TENM2: variants seen among roughly 807,000 people sequenced by gnomAD.
TENM2 encodes teneurin transmembrane protein 2, also known as teneurin-2.
A neutral mutation model predicts 245.2 loss-of-function variants in TENM2; 52 were observed. The observed-to-expected ratio is 0.21, with a 90% CI of 0.17 to 0.27. The LOEUF (loss-of-function observed/expected upper bound fraction) is 0.27, where lower values mean the gene tolerates loss of function less well. Among genes scored for constraint, TENM2 ranks in the 10% least tolerant of loss-of-function variants. TENM2 has a pLI of 1.00. For missense variants in TENM2, 3,046 were observed against 3,666.8 expected (o/e 0.83, Z 4.37); for synonymous variants, 1,363 against 1,438.9 (o/e 0.95, Z 1.19).
intron 2 of TENM2, among the ~76,000 whole-genome samples, chr5:167,541,726 A>G (rs1225426669): frequency 6.6e-6 from 1 of 152,208 alleles, no homozygotes; most frequent in Non-Finnish European, 1.5e-5. Flanking sequence ...CCTCCAATGT[A>G]TCTCTGATAC....
chr5:167,563,054 A>G (rs774414882), intron 2 of TENM2, among the ~76,000 whole-genome samples: 4 of 152,098 alleles, frequency 2.6e-5, no homozygotes, highest in Non-Finnish European at 5.9e-5. Flanking sequence ...ATCCCTGGGC[A>G]CATGCCTAGG....
At chr5:168,161,107 A>G (rs1260949569) in intron 12 of TENM2, among the ~76,000 whole-genome samples, 4 of 152,184 alleles carry the variant, frequency 2.6e-5, no homozygotes, top group Non-Finnish European at 4.4e-5. Context: ...AAAAGAAGGA[A>G]GATGCTAGGT....
At chr5:167,804,621 A>C (rs1280531374) in intron 2 of TENM2, among the ~76,000 whole-genome samples, 1 of 152,082 alleles carries the variant, frequency 6.6e-6, no homozygotes, top group African/African-American at 2.4e-5. Flanking sequence ...GCTCAGATAG[A>C]TCGAATAAAG....
chr5:167,066,060 G>A, the TENM2 span, among the ~76,000 whole-genome samples: 126 of 152,254 alleles, frequency 8.3e-4, no homozygotes, highest in African/African-American at 3.0e-3. Flanking sequence ...CTCTCCCTGG[G>A]TGGTGTGAGT....
intron 1 of TENM2, among the ~76,000 whole-genome samples, chr5:167,319,053 T>C (rs528451936): frequency 6.6e-6 from 1 of 152,322 alleles, no homozygotes; most frequent in South Asian, 2.1e-4. Context: ...AAAAATCTGT[T>C]TATCAATTGA....
chr5:167,800,645 A>C (rs1290099816), intron 2 of TENM2, among the ~76,000 whole-genome samples: 1 of 152,096 alleles, frequency 6.6e-6, no homozygotes, highest in Admixed American at 6.5e-5. Flanking sequence ...ATTTCCACTG[A>C]ATTTCAGTTC....
At chr5:168,160,376 A>T (rs1757640220) in intron 12 of TENM2, among the ~76,000 whole-genome samples, 1 of 152,226 alleles carries the variant, frequency 6.6e-6, no homozygotes, top group South Asian at 2.1e-4. Flanking sequence ...TGGAAATGTG[A>T]ATCTGGGCTT....
the TENM2 span, among the ~76,000 whole-genome samples, chr5:167,025,701 C>CCCAAT: frequency 6.6e-6 from 1 of 152,144 alleles, no homozygotes; most frequent in South Asian, 2.1e-4. Flanking sequence ...AATCCCAACT[C>CCCAAT]TGTGCTGTCA....
rs983063506 is a variant in TENM2, at chr5:167,383,313, G to A, written c.502+7840G>A. Among the ~76,000 whole-genome samples, 6 of 152,186 alleles carry A rather than the reference G, an allele frequency of 3.9e-5. 1 individual carries two copies. Among genetic ancestry groups the A allele is most frequent in the Non-Finnish European group, 5.9e-5 (4 of 68,006 alleles). On this transcript the variant is annotated intron_variant, in intron 2 of 28. Coordinates refer to ENST00000518659, the Ensembl canonical transcript of TENM2. Reference sequence around the variant, plus strand: ...AGAAGAGAAACCTGTGTTGACCTTCGTGGGTCTTGAACTCTATGGGTCATC... The same window carrying A: ...AGAAGAGAAACCTGTGTTGACCTTCATGGGTCTTGAACTCTATGGGTCATC...
intron 2 of TENM2, among the ~76,000 whole-genome samples, chr5:167,407,633 C>T (rs926743235): frequency 1.3e-5 from 2 of 152,116 alleles, no homozygotes; most frequent in Admixed American, 6.6e-5. Flanking sequence ...GCCTGGCCAA[C>T]ATGGTGAAAT....
At chr5:167,917,412 T>C (rs1777036699) in intron 3 of TENM2, among the ~76,000 whole-genome samples, 1 of 152,058 alleles carries the variant, frequency 6.6e-6, no homozygotes, top group Admixed American at 6.5e-5. Flanking sequence ...ACTGGCTTCA[T>C]TTGTGAGTTG....
chr5:167,340,869 C>T (rs939397843), intron 1 of TENM2, among the ~76,000 whole-genome samples: 3 of 152,126 alleles, frequency 2.0e-5, no homozygotes, highest in African/African-American at 7.2e-5. Context: ...CCAGAATATT[C>T]CTGTTTGGGG....
the TENM2 span, among the ~76,000 whole-genome samples, chr5:167,050,051 C>T: frequency 3.3e-5 from 5 of 152,064 alleles, no homozygotes; most frequent in Non-Finnish European, 4.4e-5. Flanking sequence ...AGTCAGCTGC[C>T]AAATACAAAG....
At chr5:168,018,351 A>G (rs1418270711) in intron 5 of TENM2, among the ~76,000 whole-genome samples, 1 of 147,604 alleles carries the variant, frequency 6.8e-6, no homozygotes, top group East Asian at 2.0e-4. Context: ...TTTTCTAAGC[A>G]TTTGCTTTAA....
At chr5:168,022,610 T>C (rs1486281791) in intron 5 of TENM2, among the ~76,000 whole-genome samples, 1 of 152,230 alleles carries the variant, frequency 6.6e-6, no homozygotes, top group African/African-American at 2.4e-5. Flanking sequence ...GCATGAGTGT[T>C]GCAGGATTAG....
intron 13 of TENM2, among the ~76,000 whole-genome samples, chr5:168,188,115 C>A (rs139593394): frequency 3.0e-4 from 45 of 152,306 alleles, no homozygotes; most frequent in African/African-American, 1.1e-3. Context: ...AAAATAATTG[C>A]ACATTAATTG....
intron 2 of TENM2, among the ~76,000 whole-genome samples, chr5:167,462,994 G>A (rs944527932): frequency 7.9e-5 from 12 of 152,140 alleles, no homozygotes; most frequent in Admixed American, 7.8e-4. Context: ...AAGCATAACA[G>A]TTACTAGTTG....
chr5:167,173,490 C>T, the TENM2 span, among the ~76,000 whole-genome samples: 52 of 152,150 alleles, frequency 3.4e-4, 1 homozygote, highest in Non-Finnish European at 1.9e-4. Flanking sequence ...TCCAACACAG[C>T]TTATAATGTC....
intron 1 of TENM2, among the ~76,000 whole-genome samples, chr5:167,353,502 T>TTTTG (rs1561886500): frequency 1.2e-4 from 11 of 94,296 alleles, no homozygotes; most frequent in African/African-American, 4.1e-4. Flanking sequence ...TTGTTGTTGT[T>TTTTG]TTTTTTTTTT....
Sources: allele counts gnomAD v4.1 joint callset (sites outside exome capture counted in the v4.1 genomes callset), GRCh38; gene constraint gnomAD v4.1.1; transcripts MANE v1.5; gene names NCBI Gene and HGNC (gene_info 2026-07-23, HGNC 2026-07-21).